SMYD3: variants seen among roughly 807,000 people sequenced by gnomAD.
The protein encoded by SMYD3 is histone-lysine N-methyltransferase SMYD3.
SMYD3 carries 36 observed loss-of-function variants against 57.7 expected under a neutral mutation model. The observed-to-expected ratio is 0.62, with a 90% confidence interval of 0.48 to 0.82. SMYD3 has a LOEUF of 0.82. Among genes scored for constraint, SMYD3 ranks in the 40% least tolerant of loss-of-function variants. The pLI is 0.00. For synonymous variants in SMYD3, 211 were observed against 195.0 expected (o/e 1.08, Z -0.68); for missense variants, 515 against 538.8 (o/e 0.96, Z 0.44).
chr1:246,501,371 T>C (rs1295567261), intron 1 of SMYD3, among the ~76,000 whole-genome samples: 2 of 152,228 alleles, frequency 1.3e-5, no homozygotes, highest in African/African-American at 4.8e-5. Flanking sequence ...ATTATTTAGA[T>C]AATTCAACTA....
At chr1:246,370,693 T>G (rs1241345655) in intron 1 of SMYD3, among the ~76,000 whole-genome samples, 1 of 152,238 alleles carries the variant, frequency 6.6e-6, no homozygotes, top group Non-Finnish European at 1.5e-5. Flanking sequence ...TTTGTCCATC[T>G]CTATCAGAAA....
chr1:245,825,734 ATG>A (rs2049448405), intron 10 of SMYD3, among the ~76,000 whole-genome samples: 1 of 152,150 alleles, frequency 6.6e-6, no homozygotes, highest in Non-Finnish European at 1.5e-5. Flanking sequence ...CATGCTGAAC[ATG>A]TGTCATTATT....
At chr1:246,209,126 A>C (rs2063046790) in intron 5 of SMYD3, among the ~76,000 whole-genome samples, 1 of 152,162 alleles carries the variant, frequency 6.6e-6, no homozygotes, top group Non-Finnish European at 1.5e-5. Context: ...CTCCCTACTC[A>C]TATTGGTAAT....
At chr1:246,373,581 T>C (rs2148734350) in intron 1 of SMYD3, among the ~76,000 whole-genome samples, 1 of 152,254 alleles carries the variant, frequency 6.6e-6, no homozygotes, top group East Asian at 1.9e-4. Flanking sequence ...AATCTAATAG[T>C]TCTGGATTTA....
rs1290685745 is a variant in SMYD3, at chr1:246,202,425, G to A, written c.531+124776C>T. Among the ~76,000 whole-genome samples, 1 of 152,090 alleles carries A rather than the reference G, an allele frequency of 6.6e-6. No individual in the cohort carries two copies. The highest frequency in any genetic ancestry group is 2.4e-5 in the African/African-American group (1 of 41,402). On this transcript the variant is annotated intron_variant, in intron 5 of 11. Transcript: ENST00000490107. This position sits in a 1 kb window ranked among gnomAD's most constrained non-coding sequence, Gnocchi z 4.1. ...CCAAGTTCTTTTTCCAACCAAGTCA[G>A]AGGACTCCTGCTACTGCAAACCCCA...
At chr1:246,297,622 G>A (rs1021769410) in intron 5 of SMYD3, among the ~76,000 whole-genome samples, 2 of 152,078 alleles carry the variant, frequency 1.3e-5, no homozygotes, top group South Asian at 2.1e-4. Flanking sequence ...TAATGAAAAC[G>A]TTTTTAACCC....
At chr1:245,886,764 T>C (rs1423430405) in intron 8 of SMYD3, among the ~76,000 whole-genome samples, 2 of 152,202 alleles carry the variant, frequency 1.3e-5, no homozygotes, top group Middle Eastern at 3.4e-3. Context: ...ATTTCTGACT[T>C]CTTGGTTCTA....
At chr1:245,863,067 T>C (rs985757856) in intron 9 of SMYD3, among the ~76,000 whole-genome samples, 1 of 152,324 alleles carries the variant, frequency 6.6e-6, no homozygotes, top group Admixed American at 6.5e-5. Context: ...GATATAAATT[T>C]ACCCCAGAGC....
chr1:246,126,394 A>C (rs2061510253), intron 5 of SMYD3, among the ~76,000 whole-genome samples: 2 of 152,236 alleles, frequency 1.3e-5, no homozygotes, highest in African/African-American at 4.8e-5. Flanking sequence ...TACTTCTTTG[A>C]ATATAGAGCC....
intron 1 of SMYD3, among the ~76,000 whole-genome samples, chr1:246,363,408 G>A (rs1367407165): frequency 6.6e-5 from 10 of 152,058 alleles, no homozygotes; most frequent in African/African-American, 1.5e-4. Context: ...CCACCACCCC[G>A]TCTGGGAGGT....
intron 1 of SMYD3, among the ~76,000 whole-genome samples, chr1:246,449,668 T>G (rs920088546): frequency 6.6e-6 from 1 of 152,150 alleles, no homozygotes; most frequent in Non-Finnish European, 1.5e-5. Flanking sequence ...ATGTTCTCCA[T>G]GAAGGGAACA....
intron 1 of SMYD3, among the ~76,000 whole-genome samples, chr1:246,406,364 C>CA (rs1271589879): frequency 6.6e-6 from 1 of 152,058 alleles, no homozygotes; most frequent in East Asian, 1.9e-4. Context: ...TTATCCTTGC[C>CA]AAAAGGAAGG....
chr1:246,476,814 C>A (rs2068035737), intron 1 of SMYD3, among the ~76,000 whole-genome samples: 1 of 152,096 alleles, frequency 6.6e-6, no homozygotes, highest in Admixed American at 6.5e-5. Flanking sequence ...TTTTTGCAGA[C>A]AAGCTTTTCC....
At chr1:246,141,018 T>C (rs1241956854) in intron 5 of SMYD3, among the ~76,000 whole-genome samples, 2 of 152,202 alleles carry the variant, frequency 1.3e-5, no homozygotes, top group East Asian at 3.8e-4. Flanking sequence ...CTTATGACAG[T>C]AGAGGTATTG....
intron 1 of SMYD3, among the ~76,000 whole-genome samples, chr1:246,404,633 CACTTGATCTCTGCGTCCTCTTT>C (rs2066829803): frequency 6.6e-6 from 1 of 152,188 alleles, no homozygotes; most frequent in Non-Finnish European, 1.5e-5. Flanking sequence ...CCCCTGCAAG[CACTTGATCTCTGCGTCCTCTTT>C]ACTTGATCTC....
chr1:246,255,260 G>T lies in SMYD3; in HGVS notation c.531+71941C>A, dbSNP rs577912548. 2.0e-5 allele frequency among the ~76,000 whole-genome samples: 3 copies of T among 151,500 alleles called. No individual in the cohort carries two copies. In the South Asian group the frequency reaches 6.3e-4, roughly 32 times the overall value. On this transcript the variant is annotated intron_variant, in intron 5 of 11. Transcript: ENST00000490107. The stretch of plus-strand genomic sequence containing the variant: ...GTCCATTCAGGATAATGTTGGCTAT[G>T]GGTTTGTCATAGATGGATCTTATTA...
At position 246,316,952 on chromosome 1, in the gene SMYD3, G is replaced by A. The variant is rs1200478529; in HGVS notation, c.531+10249C>T. Among the ~76,000 whole-genome samples, 7 of 150,602 alleles carry A rather than the reference G, an allele frequency of 4.6e-5. 1 individual carries two copies. The East Asian group carries it at 1.2e-3, about 26-fold the overall frequency. ...GGAGGTTGCAGTGAGCTGTGATCAC[G>A]CCACTACACTCCAGCCTGGTGACAA... On this transcript the variant is annotated intron_variant, in intron 5 of 11. Transcript: ENST00000490107.
intron 5 of SMYD3, among the ~76,000 whole-genome samples, chr1:246,011,546 T>C (rs1198514953): frequency 6.6e-6 from 1 of 152,176 alleles, no homozygotes; most frequent in Non-Finnish European, 1.5e-5. Flanking sequence ...CCTAGACCAC[T>C]GTCGATGCTG....
intron 10 of SMYD3, 111 bp from the exon 11 acceptor site, chr1:245,764,260 C>T: frequency 1.4e-6 from 1 of 703,236 alleles, no homozygotes; most frequent in Non-Finnish European, 2.5e-6. Context: ...TGTTAATGAG[C>T]TACTGAAAGG....
Sources: gnomAD v4.1 joint callset for allele counts (sites outside exome capture counted in the v4.1 genomes callset) on GRCh38, gnomAD v4.1.1 for gene constraint, Gnocchi (gnomAD v3.1) non-coding constraint, MANE v1.5 for transcripts, NCBI Gene and HGNC (gene_info 2026-07-23, HGNC 2026-07-21) for gene names.